The following CLEC16A variants were observed in gnomAD, a reference collection of about 807,000 sequenced individuals.
CLEC16A encodes the protein C-type lectin domain containing 16A.
CLEC16A carries 51 observed loss-of-function variants against 109.5 expected under a neutral mutation model. That is an observed-to-expected ratio of 0.47 (90% confidence interval 0.37 to 0.59). The LOEUF (loss-of-function observed/expected upper bound fraction) is 0.59. CLEC16A is among the 20% of genes least tolerant of loss of function. The pLI is 0.00. For synonymous variants in CLEC16A, 673 were observed against 564.2 expected (o/e 1.19, Z -2.73); for missense variants, 1,339 against 1,394.0 (o/e 0.96, Z 0.63).
chr16:11,156,237 G>T (rs60960457), intron 22 of CLEC16A, among the ~76,000 whole-genome samples: 208 of 152,194 alleles, frequency 1.4e-3, no homozygotes, highest in African/African-American at 4.6e-3. Flanking sequence ...GAGCATGGTG[G>T]CGCACACCTG....
chr16:11,173,383 G>A (rs938254754), intron 23 of CLEC16A, among the ~76,000 whole-genome samples: 6 of 152,198 alleles, frequency 3.9e-5, no homozygotes, highest in Middle Eastern at 3.4e-3. Context: ...CGAGAGTGTG[G>A]TTTCTCCCTT....
At chr16:11,009,212 A>C (rs372507119) in intron 11 of CLEC16A, among the ~76,000 whole-genome samples, 2 of 152,116 alleles carry the variant, frequency 1.3e-5, no homozygotes, top group Non-Finnish European at 1.5e-5. Flanking sequence ...GGCTTGCATC[A>C]CTTAGCATAA....
At chr16:11,049,753 C>T (rs1262357843) in intron 17 of CLEC16A, among the ~76,000 whole-genome samples, 1 of 152,156 alleles carries the variant, frequency 6.6e-6, no homozygotes, top group African/African-American at 2.4e-5. Flanking sequence ...GAGGTGATGG[C>T]CTAGCTCTGC....
At chr16:11,043,073 T>C in intron 15 of CLEC16A, among the ~76,000 whole-genome samples, 1 of 130,884 alleles carries the variant, frequency 7.6e-6, no homozygotes, top group East Asian at 2.0e-4. Context: ...TGTTTGTGTA[T>C]ATATATACAC....
chr16:11,004,766 A>C (rs1433110171), intron 11 of CLEC16A, among the ~76,000 whole-genome samples: 1 of 152,144 alleles, frequency 6.6e-6, no homozygotes, highest in Non-Finnish European at 1.5e-5. Flanking sequence ...CTCTGGTGCC[A>C]CCGAGACCTC....
At chr16:11,162,266 C>T (rs556850434) in intron 22 of CLEC16A, among the ~76,000 whole-genome samples, 2 of 152,108 alleles carry the variant, frequency 1.3e-5, no homozygotes, top group Non-Finnish European at 2.9e-5. Flanking sequence ...TCACCATGGG[C>T]ATAGTTTCCC....
At chr16:10,962,972 T>C (rs1467536198) in intron 3 of CLEC16A, among the ~76,000 whole-genome samples, 4 of 152,030 alleles carry the variant, frequency 2.6e-5, no homozygotes, top group African/African-American at 9.7e-5. Flanking sequence ...GGCAGGAAGA[T>C]TGTTTGTCAA....
chr16:11,063,377 C>A lies in CLEC16A; in HGVS notation c.2116+2355C>A, dbSNP rs1869586250. The stretch of plus-strand genomic sequence containing the variant: ...AAATCACCCTAGTGTGCAATCTGAC[C>A]AAACGCCTTCTGTATACAAAATACA... On this transcript the variant is annotated intron_variant, in intron 19 of 23. Coordinates refer to ENST00000409790, the MANE Select transcript of CLEC16A (RefSeq NM_015226.3). Among the ~76,000 whole-genome samples, 3 of 148,034 alleles carry A rather than the reference C, an allele frequency of 2.0e-5. No individual in the cohort carries two copies. The Admixed American group carries it at 2.1e-4, about 10-fold the overall frequency.
intron 22 of CLEC16A, among the ~76,000 whole-genome samples, chr16:11,165,242 G>T (rs940914544): frequency 6.6e-6 from 1 of 151,942 alleles, no homozygotes; most frequent in African/African-American, 2.4e-5. Context: ...TGTAATCCCA[G>T]AACTTTGGGA....
At chr16:11,016,214 T>C (rs956891762) in intron 11 of CLEC16A, among the ~76,000 whole-genome samples, 1 of 148,798 alleles carries the variant, frequency 6.7e-6, no homozygotes, top group Admixed American at 7.0e-5. Context: ...CATACCCACT[T>C]TGGAGATGGC....
At chr16:10,982,086 A>G (rs1171031573) in intron 9 of CLEC16A, among the ~76,000 whole-genome samples, 1 of 152,230 alleles carries the variant, frequency 6.6e-6, no homozygotes, top group East Asian at 1.9e-4. Flanking sequence ...TGCAAATGGT[A>G]GATAAGCCAC....
intron 19 of CLEC16A, among the ~76,000 whole-genome samples, chr16:11,101,412 C>G (rs1435536736): frequency 6.6e-6 from 1 of 152,234 alleles, no homozygotes; most frequent in Admixed American, 6.5e-5. Flanking sequence ...CATGTTCCCT[C>G]CTGCCTCTGG....
At chr16:11,028,197 T>C (rs1216273152) in intron 13 of CLEC16A, among the ~76,000 whole-genome samples, 1 of 152,158 alleles carries the variant, frequency 6.6e-6, no homozygotes, top group African/African-American at 2.4e-5. Flanking sequence ...AAACTCTGTC[T>C]CAACAAAAAG....
chr16:11,055,047 G>A (rs1489430414), intron 18 of CLEC16A, among the ~76,000 whole-genome samples: 1 of 150,866 alleles, frequency 6.6e-6, no homozygotes, highest in Non-Finnish European at 1.5e-5. Context: ...CAATTCTCCT[G>A]GCAAATCATT....
intron 22 of CLEC16A, among the ~76,000 whole-genome samples, chr16:11,152,869 G>A (rs1043090342): frequency 3.3e-5 from 5 of 152,168 alleles, no homozygotes; most frequent in Admixed American, 6.5e-5. Flanking sequence ...CTAATCATCT[G>A]CGTTCGGGCG....
intron 7 of CLEC16A, 64 bp downstream of exon 7, chr16:10,973,125 C>T (rs943931512): frequency 1.3e-6 from 2 of 1,518,434 alleles, no homozygotes; most frequent in Admixed American, 2.2e-5. Context: ...ATTCTGTTTT[C>T]ATCAAGGAAA....
intron 18 of CLEC16A, chr16:11,056,532 A>G (rs990435199): frequency 1.3e-5 from 2 of 152,226 alleles, no homozygotes; most frequent in Non-Finnish European, 2.9e-5. Context: ...GCCACTAGCC[A>G]TCTGTATATA....
At position 11,128,873 on chromosome 16, in the gene CLEC16A, C is replaced by T. The variant is rs532898301; in HGVS notation, c.2641+2727C>T. 4.6e-5 allele frequency among the ~76,000 whole-genome samples: 7 copies of T among 152,334 alleles called. No homozygotes were observed. In the East Asian group the frequency reaches 9.6e-4, roughly 21 times the overall value. ...AGATCTCCCAAGATTGCAACAGAAG[C>T]CTTCTCAGGATCCCTAGCTTCCATT... On this transcript the variant is annotated intron_variant, in intron 22 of 23. Transcript: ENST00000409790.
intron 10 of CLEC16A, among the ~76,000 whole-genome samples, chr16:10,994,136 G>C (rs2044192911): frequency 1.3e-5 from 2 of 152,222 alleles, no homozygotes; most frequent in African/African-American, 4.8e-5. Context: ...TGCAACACTT[G>C]ATAACTGGTA....
Sources: gnomAD v4.1 joint callset for allele counts (sites outside exome capture counted in the v4.1 genomes callset) on GRCh38, gnomAD v4.1.1 for gene constraint, MANE v1.5 for transcripts, NCBI Gene and HGNC (gene_info 2026-07-23, HGNC 2026-07-21) for gene names.